The following IGF2BP3 variants were observed in gnomAD, a reference collection of about 807,000 sequenced individuals.
The protein encoded by IGF2BP3 is insulin-like growth factor 2 mRNA-binding protein 3.
Under a neutral mutation model 73.8 loss-of-function variants are expected in IGF2BP3, and 9 were observed. The ratio of observed to expected loss-of-function variants is 0.12; its 90% CI spans 0.07 to 0.21. IGF2BP3 has a LOEUF of 0.21. IGF2BP3 is among the 10% of genes least tolerant of loss of function. IGF2BP3 has a pLI of 1.00. For missense variants in IGF2BP3, 542 were observed against 714.0 expected, an observed-to-expected ratio of 0.76 and a Z score of 2.75; for synonymous variants, 258 against 256.7, an observed-to-expected ratio of 1.01 and a Z score of -0.05.
At chr7:23,432,008 A>T (rs1308166960) in intron 2 of IGF2BP3, among the ~76,000 whole-genome samples, 1 of 152,248 alleles carries the variant, frequency 6.6e-6, no homozygotes, top group Non-Finnish European at 1.5e-5. Context: ...GAGCAAGGGA[A>T]CAAAGTCTCT....
chr7:23,396,962 A>G (rs12667185), intron 3 of IGF2BP3, among the ~76,000 whole-genome samples: 37,878 of 152,036 alleles, frequency 0.25, 4,933 homozygotes, highest in South Asian at 0.33. Flanking sequence ...CAGATGGGAA[A>G]GGGACTCTGT....
rs777631092 is a variant in IGF2BP3 at position 23,312,920 on chromosome 7, CCAGA to C, written c.1528-76_1528-73del. ...TTACTTCCTAAGCACTTACTGTGCG[CCAGA>C]CAGTGAGCTATGTATGGCTTTACAA... On this transcript the variant is annotated intron_variant, in intron 13 of 14. Transcript: ENST00000258729. 3.7e-5 allele frequency: 33 copies of C among 880,278 alleles called. 1 individual carries two copies. The highest frequency in any genetic ancestry group is 2.0e-4 in the South Asian group (13 of 65,552). The allele number at this position is 880,278 out of a possible 1,614,324, so 54.5% of individuals were successfully genotyped here. A position where few individuals can be genotyped will look rare whatever the true frequency, so the allele number is the denominator to read the frequency against.
chr7:23,418,794 C>A lies in IGF2BP3; in HGVS notation c.267G>T (p.Pro89=), dbSNP rs753417877. The A allele has an allele frequency of 1.9e-6, 3 of 1,581,774 alleles. No individual in the cohort carries two copies. Among genetic ancestry groups the A allele is most frequent in the Admixed American group, 3.4e-5 (2 of 58,490 alleles). ...TTCTTACCTCCCACTGTAAATGAGG[C>A]GGGATATTTCGTATCTGAAGTTTCC... is the stretch of plus-strand genomic sequence containing the variant. The part of the protein sequence containing the change: ...RIRKLQIRNI[P]PHLQWEVLDS... The change falls in exon 3 of 15, where the codon CCG becomes CCT. Residue 89 remains proline (P), a synonymous_variant. Coordinates refer to ENST00000258729, the MANE Select transcript of IGF2BP3 (RefSeq NM_006547.3).
At chr7:23,459,609 A>G (rs1702131800) in intron 2 of IGF2BP3, among the ~76,000 whole-genome samples, 1 of 151,060 alleles carries the variant, frequency 6.6e-6, no homozygotes, top group African/African-American at 2.4e-5. Context: ...GAGGTGGGCA[A>G]ATCACAAGGT....
chr7:23,455,527 T>C (rs761605696), intron 2 of IGF2BP3, among the ~76,000 whole-genome samples: 1 of 152,212 alleles, frequency 6.6e-6, no homozygotes, highest in African/African-American at 2.4e-5. Flanking sequence ...CTATGACATA[T>C]TGACAACTTC....
chr7:23,451,184 G>A (rs1291152510), intron 2 of IGF2BP3, among the ~76,000 whole-genome samples: 1 of 152,206 alleles, frequency 6.6e-6, no homozygotes, highest in South Asian at 2.1e-4. Context: ...TTGGGAGGCT[G>A]AGGTGGGCGG....
intron 3 of IGF2BP3, among the ~76,000 whole-genome samples, chr7:23,412,557 C>G (rs1787057721): frequency 6.6e-6 from 1 of 152,148 alleles, no homozygotes; most frequent in Non-Finnish European, 1.5e-5. Flanking sequence ...CATGGAGAAC[C>G]TGGTGCATAG....
chr7:23,373,738 A>G (rs1785631466), intron 3 of IGF2BP3, among the ~76,000 whole-genome samples: 1 of 152,184 alleles, frequency 6.6e-6, no homozygotes, highest in Non-Finnish European at 1.5e-5. Context: ...TTCGAATCTC[A>G]TGCTGAAATG....
chr7:23,314,547 G>C (rs1392403766), intron 12 of IGF2BP3, among the ~76,000 whole-genome samples: 1 of 151,494 alleles, frequency 6.6e-6, no homozygotes, highest in Non-Finnish European at 1.5e-5. Context: ...CTGGGCTCAA[G>C]AGTCCTGCCT....
chr7:23,398,482 C>T (rs1327519331), intron 3 of IGF2BP3, among the ~76,000 whole-genome samples: 13 of 152,278 alleles, frequency 8.5e-5, no homozygotes, highest in South Asian at 4.1e-4. Flanking sequence ...CCTGAGGAAT[C>T]GCCACACTGA....
chr7:23,357,782 C>T (rs1248610993), intron 5 of IGF2BP3, among the ~76,000 whole-genome samples: 1 of 152,170 alleles, frequency 6.6e-6, no homozygotes, highest in East Asian at 1.9e-4. Flanking sequence ...GTACTATTAA[C>T]CTTTGATTTA....
intron 12 of IGF2BP3, 148 bp from the exon 13 acceptor site, chr7:23,313,801 G>T (rs1208401020): frequency 5.3e-6 from 4 of 756,024 alleles, no homozygotes; most frequent in African/African-American, 1.8e-5. Flanking sequence ...ACATAGAAGA[G>T]AGCAGTTAGA....
At chr7:23,363,716 T>C (rs750932911) in intron 3 of IGF2BP3, among the ~76,000 whole-genome samples, 2 of 152,238 alleles carry the variant, frequency 1.3e-5, no homozygotes, top group Non-Finnish European at 2.9e-5. Context: ...ATAGCTATTC[T>C]TAAATCACAA....
rs566577809 is a variant in IGF2BP3, at chr7:23,449,303, G to A, written c.236+19179C>T. Among the ~76,000 whole-genome samples, 3 of 151,918 alleles carry A rather than the reference G, an allele frequency of 2.0e-5. No individual in the cohort carries two copies. The East Asian group carries it at 5.9e-4, about 30-fold the overall frequency. ...GAGACCGAGGCGGGCAGATCACGAAGTCAAGAGATCGCGACCATCCTGGCT... is the reference window on the plus strand; with the variant it reads ...GAGACCGAGGCGGGCAGATCACGAAATCAAGAGATCGCGACCATCCTGGCT... On this transcript the variant is annotated intron_variant, in intron 2 of 14. Transcript: ENST00000258729.
intron 3 of IGF2BP3, among the ~76,000 whole-genome samples, chr7:23,388,486 A>G (rs1285564864): frequency 6.6e-6 from 1 of 152,236 alleles, no homozygotes; most frequent in East Asian, 1.9e-4. Context: ...TACAAACTCA[A>G]TTAACCGAGG....
chr7:23,374,749 T>C (rs567639551), intron 3 of IGF2BP3, among the ~76,000 whole-genome samples: 1 of 152,242 alleles, frequency 6.6e-6, no homozygotes, highest in Non-Finnish European at 1.5e-5. Flanking sequence ...CGGGGGAAAT[T>C]CACCCCCGAT....
chr7:23,350,824 C>A (rs1255166674), intron 6 of IGF2BP3, among the ~76,000 whole-genome samples: 1 of 152,208 alleles, frequency 6.6e-6, no homozygotes, highest in Non-Finnish European at 1.5e-5. Flanking sequence ...AAGAAAAAGC[C>A]ATTCTAATTA....
chr7:23,388,789 G>A (rs1009239215), intron 3 of IGF2BP3, among the ~76,000 whole-genome samples: 2 of 151,822 alleles, frequency 1.3e-5, no homozygotes, highest in South Asian at 2.1e-4. Context: ...TATCTCTGGG[G>A]GTTACAAGTG....
intron 5 of IGF2BP3, among the ~76,000 whole-genome samples, chr7:23,355,230 T>TA (rs904945123): frequency 2.5e-4 from 38 of 150,846 alleles, no homozygotes; most frequent in Admixed American, 1.1e-3. Flanking sequence ...TTTTTATTTT[T>TA]TTTTTTTTTG....
Sources: allele counts gnomAD v4.1 joint callset (sites outside exome capture counted in the v4.1 genomes callset), GRCh38; gene constraint gnomAD v4.1.1; transcripts MANE v1.5; gene names NCBI Gene and HGNC (gene_info 2026-07-23, HGNC 2026-07-21).